The following LRRC7 variants were observed in gnomAD, a reference collection of about 807,000 sequenced individuals.
LRRC7 encodes leucine-rich repeat-containing protein 7.
In LRRC7, 23 loss-of-function variants were observed where a neutral mutation model predicts 175.7. The ratio of observed to expected loss-of-function variants is 0.13; its 90% CI spans 0.09 to 0.19. The LOEUF (loss-of-function observed/expected upper bound fraction) is 0.19. Ranked by LOEUF, LRRC7 falls within the 10% of genes least tolerant of loss-of-function variation. The pLI is 1.00. For missense variants in LRRC7, 1,354 were observed against 1,904.7 expected, an observed-to-expected ratio of 0.71 and a Z score of 5.38; for synonymous variants, 685 against 680.9, an observed-to-expected ratio of 1.01 and a Z score of -0.09.
intron 1 of LRRC7, among the ~76,000 whole-genome samples, chr1:69,669,759 T>G (rs1326806485): frequency 6.6e-6 from 1 of 152,160 alleles, no homozygotes; most frequent in Non-Finnish European, 1.5e-5. Flanking sequence ...TTTTTTATTC[T>G]TCTTTCTTTT....
chr1:70,045,798 T>C (rs145547422), intron 22 of LRRC7, among the ~76,000 whole-genome samples: 1 of 152,210 alleles, frequency 6.6e-6, no homozygotes, highest in East Asian at 1.9e-4. Context: ...CAAAGTCACA[T>C]CTTACATGGC....
intron 1 of LRRC7, among the ~76,000 whole-genome samples, chr1:69,628,117 T>C (rs1651896337): frequency 6.6e-6 from 1 of 152,184 alleles, no homozygotes; most frequent in East Asian, 1.9e-4. Flanking sequence ...CTCAGCATTG[T>C]ACTGCAAGTC....
chr1:69,890,021 C>G (rs1645785842), intron 7 of LRRC7, among the ~76,000 whole-genome samples: 1 of 152,132 alleles, frequency 6.6e-6, no homozygotes, highest in African/African-American at 2.4e-5. Flanking sequence ...AGTCTTAAAC[C>G]CCTCAAAGTC....
chr1:69,892,315 T>A (rs1025263261), intron 7 of LRRC7, among the ~76,000 whole-genome samples: 1 of 152,100 alleles, frequency 6.6e-6, no homozygotes, highest in Non-Finnish European at 1.5e-5. Context: ...AGTGGAAAGG[T>A]AGGGTGAGGA....
chr1:69,704,136 T>A (rs1460550222), intron 2 of LRRC7, among the ~76,000 whole-genome samples: 2 of 152,040 alleles, frequency 1.3e-5, no homozygotes, highest in Non-Finnish European at 2.9e-5. Flanking sequence ...TATATAAGTT[T>A]TGTGATAAGT....
intron 2 of LRRC7, among the ~76,000 whole-genome samples, chr1:69,738,249 G>T (rs1337699098): frequency 6.6e-6 from 1 of 151,866 alleles, no homozygotes; most frequent in South Asian, 2.1e-4. Context: ...CTTTTATTGG[G>T]AAGGTAACTA....
intron 21 of LRRC7, among the ~76,000 whole-genome samples, chr1:70,042,090 T>C (rs1659952349): frequency 6.6e-6 from 1 of 152,198 alleles, no homozygotes; most frequent in South Asian, 2.1e-4. Context: ...TCCAAGAAAT[T>C]AACTTACCTT....
intron 1 of LRRC7, among the ~76,000 whole-genome samples, chr1:69,571,466 T>C (rs1047367943): frequency 2.0e-5 from 3 of 152,206 alleles, no homozygotes; most frequent in Admixed American, 2.0e-4. Flanking sequence ...ATCACGAAGA[T>C]ATAAATTAAT....
chr1:69,929,950 C>T (rs1045884028), intron 7 of LRRC7, among the ~76,000 whole-genome samples: 2 of 152,108 alleles, frequency 1.3e-5, no homozygotes, highest in Non-Finnish European at 2.9e-5. Context: ...TAAAATGTCC[C>T]TGCTTTAGAA....
At chr1:69,646,445 T>C (rs1655019991) in intron 1 of LRRC7, among the ~76,000 whole-genome samples, 2 of 152,270 alleles carry the variant, frequency 1.3e-5, no homozygotes, top group African/African-American at 2.4e-5. Flanking sequence ...ATAGCACTAA[T>C]ATAAAAAGGG....
chr1:69,882,578 T>G (rs930434518), intron 7 of LRRC7, among the ~76,000 whole-genome samples: 2 of 151,844 alleles, frequency 1.3e-5, no homozygotes, highest in Non-Finnish European at 2.9e-5. Flanking sequence ...CTACCATTTG[T>G]AACAACATGG....
chr1:69,787,187 T>G (rs1674542352), intron 3 of LRRC7, among the ~76,000 whole-genome samples: 1 of 152,216 alleles, frequency 6.6e-6, no homozygotes. Context: ...TTGCAAGAGG[T>G]GGGCTCCCAC....
At chr1:69,964,661 T>C (rs932539354) in intron 8 of LRRC7, among the ~76,000 whole-genome samples, 3 of 152,222 alleles carry the variant, frequency 2.0e-5, no homozygotes, top group Admixed American at 6.5e-5. Context: ...TTTAGACAGA[T>C]CTAATTGGGA....
At chr1:69,973,926 A>T (rs1184922636) in intron 8 of LRRC7, among the ~76,000 whole-genome samples, 1 of 152,128 alleles carries the variant, frequency 6.6e-6, no homozygotes, top group Non-Finnish European at 1.5e-5. Context: ...AAGAGAAAAA[A>T]CACTGCAGCT....
chr1:70,051,177 T>C (rs1289036679), intron 22 of LRRC7, among the ~76,000 whole-genome samples: 3 of 152,004 alleles, frequency 2.0e-5, no homozygotes, highest in East Asian at 3.9e-4. Context: ...ACTGGAAACA[T>C]GTCTGGGTGG....
intron 1 of LRRC7, among the ~76,000 whole-genome samples, chr1:69,639,028 A>T (rs1371063502): frequency 6.6e-6 from 1 of 151,774 alleles, no homozygotes; most frequent in Non-Finnish European, 1.5e-5. Context: ...AAGTTTTTTA[A>T]CTCAAACTGA....
intron 7 of LRRC7, among the ~76,000 whole-genome samples, chr1:69,909,507 T>A (rs1432068700): frequency 1.3e-5 from 2 of 151,958 alleles, no homozygotes; most frequent in Non-Finnish European, 2.9e-5. Flanking sequence ...CTGTAAAGTA[T>A]TTTTTTTCTC....
Position 69,595,012 on chromosome 1 carries a change from AT to A in LRRC7, c.2+26383del, listed in dbSNP as rs113142766. Among the ~76,000 whole-genome samples, 1,385 of 148,048 alleles carry A rather than the reference AT, an allele frequency of 9.4e-3. 19 individuals are homozygous for A. The highest frequency in any genetic ancestry group is 0.026 in the African/African-American group (1,038 of 40,394). On this transcript the variant is annotated intron_variant, in intron 1 of 26. Transcript: ENST00000651989. The stretch of plus-strand genomic sequence containing the variant: ...TACCTAGTGTTTTGTAAAAATGATC[AT>A]TTTTTTTTTTTACTGTTTACTATAT...
In LRRC7 at chr1:70,140,768, A is replaced by G. The variant is rs1311788241; in HGVS notation, c.*18881A>G. On this transcript the variant is annotated 3_prime_UTR_variant, in exon 27 of 27. Transcript: ENST00000651989. ...CCCTGCCCAGTATCTCTTTACTGATACAAGTATTCAAAGGCCCTCCTATCC... is the reference window on the plus strand; with the variant it reads ...CCCTGCCCAGTATCTCTTTACTGATGCAAGTATTCAAAGGCCCTCCTATCC... 6.6e-6 allele frequency among the ~76,000 whole-genome samples: 1 copy of G among 152,140 alleles called. No individual in the cohort carries two copies. The highest frequency in any genetic ancestry group is 2.4e-5 in the African/African-American group (1 of 41,456).
Sources: allele counts gnomAD v4.1 joint callset (sites outside exome capture counted in the v4.1 genomes callset), GRCh38; gene constraint gnomAD v4.1.1; transcripts MANE v1.5; gene names NCBI Gene and HGNC (gene_info 2026-07-23, HGNC 2026-07-21).